Variants in ANKLE2 observed in about 807,000 individuals in gnomAD.
ANKLE2 encodes ankyrin repeat and LEM domain containing 2.
A neutral mutation model predicts 84.2 loss-of-function variants in ANKLE2; 55 were observed. The observed-to-expected ratio is 0.65, with a 90% CI of 0.53 to 0.82. The LOEUF is 0.82. Among genes scored for constraint, ANKLE2 ranks in the 40% least tolerant of loss-of-function variants. ANKLE2 has a pLI of 0.00. For missense variants in ANKLE2, 1,238 were observed against 1,201.9 expected, an observed-to-expected ratio of 1.03 and a Z score of -0.44; for synonymous variants, 551 against 486.1, an observed-to-expected ratio of 1.13 and a Z score of -1.76.
At chr12:132,751,065 A>G (rs2044344927) in intron 2 of ANKLE2, 1 of 514,914 alleles carries the variant, frequency 1.9e-6, no homozygotes, top group South Asian at 2.9e-5. Flanking sequence ...CATGATATAT[A>G]TTATGTTCAT....
rs566773370 is a variant in ANKLE2 at position 132,747,900 on chromosome 12, C to G, written c.1162G>C (p.Asp388His). 1 of 1,609,922 alleles carries G rather than the reference C, an allele frequency of 6.2e-7. No homozygotes were observed. The highest frequency in any genetic ancestry group is 1.3e-5 in the African/African-American group (1 of 74,618). ...ATACGCTTCTGCAGCATGGCCTCGTCGTCATCAGGGTACATCAGCCTCATG... is the reference window on the plus strand; with the variant it reads ...ATACGCTTCTGCAGCATGGCCTCGTGGTCATCAGGGTACATCAGCCTCATG... The part of the protein sequence containing the change: ...DFMRLMYPDD[D>H]EAMLQKRIRY... Residue 388 changes from aspartate (D) to histidine (H), a missense_variant, in exon 5 of 13, where the codon GAC (aspartate) becomes CAC (histidine). Asp to His is a moderately conservative substitution (Grantham distance 81, BLOSUM62 -1). Coordinates refer to ENST00000357997, the MANE Select transcript of ANKLE2 (RefSeq NM_015114.3).
At chr12:132,750,972 A>C (rs1245648028) in intron 2 of ANKLE2, 123 bp from the exon 3 acceptor site, 1 of 833,260 alleles carries the variant, frequency 1.2e-6, no homozygotes, top group Non-Finnish European at 1.9e-6. Context: ...CTTAGTTCAG[A>C]TCTTTAATCC....
intron 3 of ANKLE2, among the ~76,000 whole-genome samples, chr12:132,749,757 G>A (rs2044317362): frequency 6.6e-6 from 1 of 152,240 alleles, no homozygotes; most frequent in South Asian, 2.1e-4. Flanking sequence ...CCCTAGTTCT[G>A]AGCTGGGAGG....
At chr12:132,731,814 T>C (rs1207475557) in intron 10 of ANKLE2, 1 of 152,256 alleles carries the variant, frequency 6.6e-6, no homozygotes, top group Non-Finnish European at 1.5e-5. Context: ...CACTTTTAGA[T>C]TTTGTAGATT....
chr12:132,732,824 A>G lies in ANKLE2; in HGVS notation c.1891+1561T>C, dbSNP rs1344610149. On this transcript the variant is annotated intron_variant, in intron 10 of 12. Coordinates refer to ENST00000357997, the MANE Select transcript of ANKLE2 (RefSeq NM_015114.3). ...TGCGTCCTGGTGTCTGACGTGCACC[A>G]TGTGAAGCCCTCTGCGTGCTGGTGT... Among the ~76,000 whole-genome samples, 111 of 55,870 alleles carry G rather than the reference A, an allele frequency of 2.0e-3. 1 individual carries two copies. The highest frequency in any genetic ancestry group is 9.9e-3 in the South Asian group (15 of 1,510). 36.7% of individuals were successfully genotyped at this position (55,870 alleles called of 152,430 possible).
At chr12:132,740,208 G>T (rs896381600) in intron 7 of ANKLE2, among the ~76,000 whole-genome samples, 3 of 152,202 alleles carry the variant, frequency 2.0e-5, no homozygotes, top group African/African-American at 7.2e-5. Context: ...CCCTGAGGAG[G>T]AACTCTCGCC....
Position 132,748,086 on chromosome 12 carries a change from C to T in ANKLE2, c.1041+52G>A, listed in dbSNP as rs879005747. Reference sequence around the variant, plus strand: ...GTGGACACGCCCTGTGCGAGTGCTGCGATGGAACGGCCGGGACCGCACACC... The same window carrying T: ...GTGGACACGCCCTGTGCGAGTGCTGTGATGGAACGGCCGGGACCGCACACC... On this transcript the variant is annotated intron_variant, in intron 4 of 12. Coordinates refer to ENST00000357997, the MANE Select transcript of ANKLE2 (RefSeq NM_015114.3). 1.1e-5 allele frequency: 18 copies of T among 1,605,120 alleles called. No homozygotes were observed. In the South Asian group the frequency reaches 1.2e-4, roughly 11 times the overall value.
Position 132,754,886 on chromosome 12 carries a change from C to A in ANKLE2, c.429G>T (p.Gly143=). The change falls in exon 2 of 13, where the codon GGG becomes GGT. Residue 143 remains glycine (G), a synonymous_variant. Coordinates refer to ENST00000357997, the MANE Select transcript of ANKLE2 (RefSeq NM_015114.3). The part of the protein sequence containing the change: ...DPQRILKPAE[G]NPTDQAGFSE... ...AAAAACCAGCCTGATCAGTTGGGTT[C>A]CCTTCAGCTGGCTTCAAAATCCTTT... 2 of 1,614,188 alleles carry A rather than the reference C, an allele frequency of 1.2e-6. No individual in the cohort carries two copies. Among genetic ancestry groups the A allele is most frequent in the Non-Finnish European group, 1.7e-6 (2 of 1,180,042 alleles).
chr12:132,743,830 C>A lies in ANKLE2; in HGVS notation c.1231-554G>T, dbSNP rs777296706. On this transcript the variant is annotated intron_variant, in intron 5 of 12. Coordinates refer to ENST00000357997, the MANE Select transcript of ANKLE2 (RefSeq NM_015114.3). The surrounding 1 kb of genome is among the most constrained non-coding windows in gnomAD (Gnocchi z 4.1). The stretch of plus-strand genomic sequence containing the variant: ...TAAATTCTCCATAAACAGTGAACAG[C>A]AGCTTTAACCATTCAGGGCCCAGTA... Among the ~76,000 whole-genome samples the A allele has an allele frequency of 6.6e-6, 1 of 152,162 alleles. No homozygotes were observed. Among genetic ancestry groups the A allele is most frequent in the Non-Finnish European group, 1.5e-5 (1 of 68,044 alleles).
At chr12:132,728,357 T>C (rs2043754313) in intron 11 of ANKLE2, among the ~76,000 whole-genome samples, 194 bp from the exon 12 acceptor site, 1 of 152,050 alleles carries the variant, frequency 6.6e-6, no homozygotes, top group Admixed American at 6.6e-5. Context: ...GCCTCCCGAG[T>C]AGCTGGGACT....
At chr12:132,741,982 G>A in intron 6 of ANKLE2, 1 of 367,914 alleles carries the variant, frequency 2.7e-6, no homozygotes, top group Non-Finnish European at 5.3e-6. Flanking sequence ...ACGAACTTTT[G>A]CTAGAAACTA....
chr12:132,750,871 T>C, intron 2 of ANKLE2, 22 bp from the exon 3 acceptor site: 1 of 1,608,908 alleles, frequency 6.2e-7, no homozygotes, highest in Non-Finnish European at 8.5e-7. Flanking sequence ...AAGTAACAAA[T>C]GAAAATCAGA....
At chr12:132,755,381 T>C in intron 1 of ANKLE2, 1 of 345,590 alleles carries the variant, frequency 2.9e-6, no homozygotes, top group Non-Finnish European at 5.3e-6. Context: ...ACGTCTCTAC[T>C]GAAAATACAA....
Position 132,743,335 on chromosome 12 carries a change from A to T in ANKLE2, c.1231-59T>A. The T allele has an allele frequency of 6.6e-7, 1 of 1,519,824 alleles. No homozygotes were observed. The highest frequency in any genetic ancestry group is 8.9e-7 in the Non-Finnish European group (1 of 1,128,670). The allele number at this position is 1,519,824 out of a possible 1,614,324, so 94.1% of individuals were successfully genotyped here. A position where few individuals can be genotyped will look rare whatever the true frequency, so the allele number is the denominator to read the frequency against. ...ACACTTGTCTCATGAGGTTGCTCTA[A>T]GGTGAAAATACATATTCATTCATTC... On this transcript the variant is annotated intron_variant, in intron 5 of 12. Coordinates refer to ENST00000357997, the MANE Select transcript of ANKLE2 (RefSeq NM_015114.3). The surrounding 1 kb of genome is among the most constrained non-coding windows in gnomAD (Gnocchi z 4.1).
chr12:132,753,990 C>G (rs537689723), intron 2 of ANKLE2, among the ~76,000 whole-genome samples: 1 of 152,282 alleles, frequency 6.6e-6, no homozygotes, highest in South Asian at 2.1e-4. Flanking sequence ...AGCCTGTAAT[C>G]TCAGCACTTT....
chr12:132,731,727 T>G (rs2043850324), intron 10 of ANKLE2: 1 of 152,236 alleles, frequency 6.6e-6, no homozygotes, highest in African/African-American at 2.4e-5. Flanking sequence ...GGGATTATAG[T>G]GTGAGCCGCC....
intron 10 of ANKLE2, among the ~76,000 whole-genome samples, chr12:132,733,615 G>A (rs1395757763): frequency 6.7e-6 from 1 of 148,378 alleles, no homozygotes; most frequent in Non-Finnish European, 1.5e-5. Context: ...TGTCTGAAAT[G>A]CACCGTGTGA....
In ANKLE2 at chr12:132,743,349, A is replaced by AC; in HGVS notation, c.1231-74_1231-73insG. 3 of 1,400,090 alleles carry AC rather than the reference A, an allele frequency of 2.1e-6. No individual in the cohort carries two copies. The highest frequency in any genetic ancestry group is 2.9e-6 in the Non-Finnish European group (3 of 1,050,344). 86.7% of individuals were successfully genotyped at this position (1,400,090 alleles called of 1,614,324 possible). ...AGGTTGCTCTAAGGTGAAAATACAT[A>AC]TTCATTCATTCATTCATTCATTTAT... On this transcript the variant is annotated intron_variant, in intron 5 of 12. Coordinates refer to ENST00000357997, the MANE Select transcript of ANKLE2 (RefSeq NM_015114.3). The surrounding 1 kb of genome is among the most constrained non-coding windows in gnomAD (Gnocchi z 4.1).
At chr12:132,753,264 G>C (rs1430433960) in intron 2 of ANKLE2, among the ~76,000 whole-genome samples, 1 of 152,062 alleles carries the variant, frequency 6.6e-6, no homozygotes, top group African/African-American at 2.4e-5. Context: ...ACATTGCAGT[G>C]AGTTGTTGAG....
Sources: allele counts gnomAD v4.1 joint callset (sites outside exome capture counted in the v4.1 genomes callset), GRCh38; gene constraint gnomAD v4.1.1; non-coding constraint Gnocchi (gnomAD v3.1); transcripts MANE v1.5; gene names NCBI Gene and HGNC (gene_info 2026-07-23, HGNC 2026-07-21).